Variants in FIRRM observed in about 807,000 individuals in gnomAD.
The protein encoded by FIRRM is FIGNL1 interacting regulator of recombination and mitosis.
the FIRRM span, among the ~76,000 whole-genome samples, chr1:169,798,331 G>A: frequency 3.3e-5 from 5 of 151,148 alleles, no homozygotes; most frequent in South Asian, 2.1e-4. Flanking sequence ...GCAATGGCGC[G>A]ATCTTGGCTC....
the FIRRM span, chr1:169,853,694 G>A: frequency 6.2e-7 from 1 of 1,611,618 alleles, no homozygotes; most frequent in East Asian, 2.2e-5. Flanking sequence ...TTTTCCTAAA[G>A]TTTAACTCAC....
chr1:169,785,315 T>C, the FIRRM span, among the ~76,000 whole-genome samples: 1 of 152,228 alleles, frequency 6.6e-6, no homozygotes, highest in Non-Finnish European at 1.5e-5. Flanking sequence ...AGTGGGCATG[T>C]GTTACAGTGC....
the FIRRM span, chr1:169,804,279 A>G: frequency 1.5e-5 from 19 of 1,307,064 alleles, no homozygotes; most frequent in Middle Eastern, 2.0e-4. Context: ...TATGGTGACT[A>G]TAAATCATGT....
chr1:169,842,502 T>C, the FIRRM span: 7 of 1,614,048 alleles, frequency 4.3e-6, no homozygotes, highest in East Asian at 8.9e-5. Context: ...ATTATCGAAG[T>C]TGTGAGTCAG....
At chr1:169,805,280 AC>A in the FIRRM span, among the ~76,000 whole-genome samples, 2 of 152,216 alleles carry the variant, frequency 1.3e-5, no homozygotes, top group Non-Finnish European at 2.9e-5. Context: ...GCACTAGCTC[AC>A]CCATGTGACT....
the FIRRM span, chr1:169,852,109 G>T: frequency 1.3e-6 from 1 of 770,436 alleles, no homozygotes; most frequent in Non-Finnish European, 2.1e-6. Context: ...TAAGAAGTGG[G>T]ACTACACCAT....
the FIRRM span, chr1:169,803,302 A>G: frequency 1.2e-6 from 2 of 1,613,546 alleles, no homozygotes; most frequent in Non-Finnish European, 1.7e-6. Context: ...ACATTTGTGC[A>G]TTGTAAGGTG....
At chr1:169,830,280 G>A in the FIRRM span, 1 of 1,613,362 alleles carries the variant, frequency 6.2e-7, no homozygotes, top group African/African-American at 1.3e-5. Flanking sequence ...GCTGAATGCT[G>A]TACTTAGTGC....
At chr1:169,839,784 A>G in the FIRRM span, among the ~76,000 whole-genome samples, 4 of 151,898 alleles carry the variant, frequency 2.6e-5, no homozygotes, top group Non-Finnish European at 2.9e-5. Context: ...TACAATTGCT[A>G]TTGGTGTCTT....
chr1:169,841,716 A>G, the FIRRM span, among the ~76,000 whole-genome samples: 1 of 152,224 alleles, frequency 6.6e-6, no homozygotes, highest in Non-Finnish European at 1.5e-5. Context: ...AAAAATAAAA[A>G]TCTAGTAACC....
At chr1:169,837,048 T>A in the FIRRM span, 1 of 1,612,512 alleles carries the variant, frequency 6.2e-7, no homozygotes, top group Non-Finnish European at 8.5e-7. Flanking sequence ...GTCACCACAG[T>A]AGGCACTGCA....
the FIRRM span, among the ~76,000 whole-genome samples, chr1:169,801,610 A>G: frequency 6.6e-6 from 1 of 151,118 alleles, no homozygotes; most frequent in Non-Finnish European, 1.5e-5. Context: ...AAAAAAAAAA[A>G]AAAAAAAGAA....
the FIRRM span, among the ~76,000 whole-genome samples, chr1:169,819,537 C>T: frequency 6.6e-6 from 1 of 152,166 alleles, no homozygotes; most frequent in Non-Finnish European, 1.5e-5. Context: ...ACTTTTAATT[C>T]TTGGGGTTCC....
At chr1:169,823,430 A>T in the FIRRM span, 9 of 1,604,134 alleles carry the variant, frequency 5.6e-6, no homozygotes, top group Non-Finnish European at 7.7e-6. Flanking sequence ...TTCCTCTCTG[A>T]TTCTTGCTGT....
the FIRRM span, among the ~76,000 whole-genome samples, chr1:169,822,025 T>A: frequency 6.6e-6 from 1 of 152,182 alleles, no homozygotes; most frequent in Non-Finnish European, 1.5e-5. Flanking sequence ...TTTAAAAATT[T>A]TTAAAGATTC....
At chr1:169,835,880 T>C in the FIRRM span, among the ~76,000 whole-genome samples, 1 of 152,178 alleles carries the variant, frequency 6.6e-6, no homozygotes, top group South Asian at 2.1e-4. Context: ...TAAAGCTGCT[T>C]TTTGTAATAG....
the FIRRM span, among the ~76,000 whole-genome samples, chr1:169,839,478 CGTT>C: frequency 1.3e-5 from 2 of 152,070 alleles, no homozygotes; most frequent in Non-Finnish European, 2.9e-5. Context: ...GATAGTATCT[CGTT>C]GTGATTTTGA....
chr1:169,849,477 A>G, the FIRRM span: 102 of 1,552,084 alleles, frequency 6.6e-5, no homozygotes, highest in Non-Finnish European at 7.4e-5. Flanking sequence ...TTTCTCTATT[A>G]TAATAAGGCT....
chr1:169,786,490 C>G, the FIRRM span, among the ~76,000 whole-genome samples: 1 of 152,190 alleles, frequency 6.6e-6, no homozygotes, highest in Admixed American at 6.5e-5. Flanking sequence ...GAGAGTGGCA[C>G]AATTTGCTGT....
Sources: allele counts gnomAD v4.1 joint callset (sites outside exome capture counted in the v4.1 genomes callset), GRCh38; gene constraint gnomAD v4.1.1; transcripts MANE v1.5; gene names NCBI Gene and HGNC (gene_info 2026-07-23, HGNC 2026-07-21).